Variants in PAX5 observed in about 807,000 individuals in gnomAD.
PAX5 encodes the protein paired box protein Pax-5.
PAX5 carries 9 observed loss-of-function variants against 43.7 expected under a neutral mutation model. The observed-to-expected ratio is 0.21, with a 90% CI of 0.12 to 0.36. PAX5 has a LOEUF of 0.36. Among genes scored for constraint, PAX5 ranks in the 10% least tolerant of loss-of-function variants. PAX5 has a pLI of 1.00. For missense variants in PAX5, 383 were observed against 532.7 expected, an observed-to-expected ratio of 0.72 and a Z score of 2.77; for synonymous variants, 228 against 214.3, an observed-to-expected ratio of 1.06 and a Z score of -0.56.
At chr9:36,996,272 C>T (rs1837391558) in intron 5 of PAX5, among the ~76,000 whole-genome samples, 1 of 152,276 alleles carries the variant, frequency 6.6e-6, no homozygotes, top group Non-Finnish European at 1.5e-5. Flanking sequence ...GGGCCACGCC[C>T]TTGGCAGCTG....
chr9:37,026,315 G>A (rs568879030), intron 1 of PAX5, among the ~76,000 whole-genome samples: 3 of 152,362 alleles, frequency 2.0e-5, no homozygotes, highest in East Asian at 1.9e-4. Context: ...CGCTGCCCAA[G>A]CTACGCGTTG....
intron 8 of PAX5, among the ~76,000 whole-genome samples, chr9:36,855,155 C>G (rs1255930633): frequency 6.6e-6 from 1 of 152,264 alleles, no homozygotes; most frequent in Non-Finnish European, 1.5e-5. Context: ...CCACAGGGCA[C>G]AGGTCCGACT....
chr9:36,995,753 C>T (rs1837337689), intron 5 of PAX5, among the ~76,000 whole-genome samples: 1 of 152,116 alleles, frequency 6.6e-6, no homozygotes, highest in African/African-American at 2.4e-5. Context: ...CTCCAAGGCC[C>T]TTCCAGCTCC....
At position 36,897,260 on chromosome 9, in the gene PAX5, G is replaced by A. The variant is rs554749077; in HGVS notation, c.911-15155C>T. Among the ~76,000 whole-genome samples, 7 of 152,326 alleles carry A rather than the reference G, an allele frequency of 4.6e-5. No homozygotes were observed. The South Asian group carries it at 1.4e-3, about 32-fold the overall frequency. The stretch of plus-strand genomic sequence containing the variant: ...TGGGCTTAGCAGAGGACATGCGACT[G>A]TGAGCGGCCTTCACGCTGGCTGGAA... On this transcript the variant is annotated intron_variant, in intron 7 of 9. Transcript: ENST00000358127.
chr9:36,936,557 C>T (rs3780152), intron 6 of PAX5, among the ~76,000 whole-genome samples: 1 of 151,926 alleles, frequency 6.6e-6, no homozygotes, highest in African/African-American at 2.4e-5. Context: ...AATGAGGGGT[C>T]CAAAGGGAGG....
chr9:36,927,716 T>TTC (rs1290093636), intron 6 of PAX5, among the ~76,000 whole-genome samples: 7 of 150,758 alleles, frequency 4.6e-5, no homozygotes, highest in South Asian at 2.1e-4. Flanking sequence ...CTTTTTCTTT[T>TTC]TTTTTTTTTT....
At chr9:36,925,075 C>A (rs1830542322) in intron 6 of PAX5, among the ~76,000 whole-genome samples, 1 of 151,968 alleles carries the variant, frequency 6.6e-6, no homozygotes, top group Non-Finnish European at 1.5e-5. Flanking sequence ...GGGAGGGAAA[C>A]CAAAGGAGCC....
chr9:37,016,282 T>C (rs1839375898), intron 2 of PAX5, among the ~76,000 whole-genome samples: 1 of 152,220 alleles, frequency 6.6e-6, no homozygotes, highest in Non-Finnish European at 1.5e-5. Context: ...ATGCAACTTA[T>C]TTTTCTGTAA....
At chr9:36,994,523 C>T (rs775435571) in intron 5 of PAX5, among the ~76,000 whole-genome samples, 7 of 152,344 alleles carry the variant, frequency 4.6e-5, no homozygotes, top group African/African-American at 1.2e-4. Context: ...TCGGCCCCAC[C>T]GGCCAGTTCC....
chr9:36,976,475 C>T (rs892726068), intron 5 of PAX5, among the ~76,000 whole-genome samples: 3 of 152,148 alleles, frequency 2.0e-5, no homozygotes, highest in Non-Finnish European at 2.9e-5. Context: ...AGTTGGCAAA[C>T]GCTTCTAGGA....
rs569136928 is a variant in PAX5 at position 36,966,577 on chromosome 9, G to T, written c.752C>A (p.Thr251Asn). 50 of 1,614,210 alleles carry T rather than the reference G, an allele frequency of 3.1e-5. No individual in the cohort carries two copies. In the East Asian group the frequency reaches 1.1e-3, roughly 35 times the overall value. Residue 251 changes from threonine to asparagine, a missense_variant, in exon 6 of 10, where the codon ACC becomes AAC. Transcript: ENST00000358127. Reference protein sequence around the residue: ...FERQHYSDIFTTTEPIKPEQT... With the variant: ...FERQHYSDIFNTTEPIKPEQT... Reference sequence around the variant, plus strand: ...CTCGGGCTTGATGGGCTCTGTGGTGGTGAAGATGTCTGAGTAGTGCTGCCT... The same window carrying T: ...CTCGGGCTTGATGGGCTCTGTGGTGTTGAAGATGTCTGAGTAGTGCTGCCT...
chr9:36,883,489 C>T (rs528437840), intron 7 of PAX5, among the ~76,000 whole-genome samples: 1 of 152,216 alleles, frequency 6.6e-6, no homozygotes, highest in South Asian at 2.1e-4. Flanking sequence ...CATGGTGAAA[C>T]TCTGTCTTTA....
chr9:36,947,561 A>G (rs967426854), intron 6 of PAX5, among the ~76,000 whole-genome samples: 3 of 151,932 alleles, frequency 2.0e-5, no homozygotes, highest in African/African-American at 7.3e-5. Flanking sequence ...GTTTTTTTGT[A>G]GAGATGGGGT....
chr9:36,911,349 G>T (rs1157450733), intron 7 of PAX5, among the ~76,000 whole-genome samples: 2 of 151,284 alleles, frequency 1.3e-5, no homozygotes, highest in East Asian at 1.9e-4. Flanking sequence ...TTGAGATCGG[G>T]GGGGTCTCCC....
At chr9:36,993,792 C>A (rs573041351) in intron 5 of PAX5, among the ~76,000 whole-genome samples, 3 of 152,166 alleles carry the variant, frequency 2.0e-5, no homozygotes, top group Admixed American at 6.5e-5. Flanking sequence ...ATATCCCCCT[C>A]CATCGGCCCC....
intron 1 of PAX5, among the ~76,000 whole-genome samples, chr9:37,031,650 C>T (rs1372324424): frequency 6.6e-6 from 1 of 152,158 alleles, no homozygotes; most frequent in African/African-American, 2.4e-5. Flanking sequence ...CTCCCTTACT[C>T]ATGCTTTATG....
At chr9:36,879,949 AG>A (rs967442096) in intron 8 of PAX5, among the ~76,000 whole-genome samples, 1 of 152,230 alleles carries the variant, frequency 6.6e-6, no homozygotes, top group Admixed American at 6.5e-5. Flanking sequence ...TTTTGCAGGC[AG>A]GAACCTGGCA....
chr9:36,851,895 T>C (rs1443066639), intron 8 of PAX5, among the ~76,000 whole-genome samples: 1 of 152,156 alleles, frequency 6.6e-6, no homozygotes, highest in Non-Finnish European at 1.5e-5. Flanking sequence ...TGTGCTCTGC[T>C]CTCTGCTGTT....
intron 5 of PAX5, among the ~76,000 whole-genome samples, chr9:36,973,365 G>T (rs549860549): frequency 8.5e-4 from 129 of 152,234 alleles, no homozygotes; most frequent in Non-Finnish European, 1.4e-3. Context: ...GGACAGAGCA[G>T]GTCCTGATGG....
Sources: gnomAD v4.1 joint callset for allele counts (sites outside exome capture counted in the v4.1 genomes callset) on GRCh38, gnomAD v4.1.1 for gene constraint, MANE v1.5 for transcripts, NCBI Gene and HGNC (gene_info 2026-07-23, HGNC 2026-07-21) for gene names.